OR1F1: variants seen among roughly 807,000 people sequenced by gnomAD.
OR1F1 encodes the protein olfactory receptor 1F1.
For missense variants in OR1F1, 493 were observed against 376.3 expected, an observed-to-expected ratio of 1.31 and a Z score of -2.57; for synonymous variants, 184 against 156.7, an observed-to-expected ratio of 1.17 and a Z score of -1.30.
chr16:3,202,307 T>C (rs1038533155), upstream of OR1F1, among the ~76,000 whole-genome samples: 3 of 152,144 alleles, frequency 2.0e-5, no homozygotes, highest in African/African-American at 4.8e-5. Context: ...AGTAGTGAGA[T>C]AGAGAAATAC....
the OR1F1 span, chr16:3,191,349 C>G: frequency 3.3e-5 from 5 of 152,220 alleles, no homozygotes; most frequent in Admixed American, 3.3e-4. Context: ...TGAGCAAAGT[C>G]TTGCACCAGC....
chr16:3,191,684 T>C, the OR1F1 span, among the ~76,000 whole-genome samples: 1 of 152,016 alleles, frequency 6.6e-6, no homozygotes, highest in Non-Finnish European at 1.5e-5. Context: ...GATTGAATTT[T>C]GGTCTCCGCG....
At chr16:3,203,954 G>A (rs1567206581), upstream of OR1F1, among the ~76,000 whole-genome samples, 2 of 152,126 alleles carry the variant, frequency 1.3e-5, no homozygotes. Flanking sequence ...ATCCTGAACT[G>A]TGGGGAACAC....
chr16:3,201,357 T>C (rs1160135632), upstream of OR1F1, among the ~76,000 whole-genome samples: 1 of 152,244 alleles, frequency 6.6e-6, no homozygotes, highest in Non-Finnish European at 1.5e-5. Context: ...TGCTGGATTG[T>C]ATGGTAATTG....
exon 1 of OR1F1, chr16:3,204,575 T>G (rs767631172): frequency 6.2e-7 from 1 of 1,614,094 alleles, no homozygotes; most frequent in Non-Finnish European, 8.5e-7. Context: ...TTCGTGGACA[T>G]GGACAATTTC....
chr16:3,205,482 ATT>A (rs36031331), downstream of OR1F1, among the ~76,000 whole-genome samples: 59,266 of 143,364 alleles, frequency 0.41, 12,336 homozygotes, highest in East Asian at 0.57. Context: ...GCCTAGCTAA[ATT>A]TTTTTTTTTT....
the OR1F1 span, chr16:3,188,366 C>A: frequency 6.6e-6 from 1 of 152,002 alleles, no homozygotes; most frequent in Non-Finnish European, 1.5e-5. Context: ...AGGAGACGAC[C>A]CCGTGCAGCA....
At chr16:3,188,644 T>C in the OR1F1 span, among the ~76,000 whole-genome samples, 2 of 151,684 alleles carry the variant, frequency 1.3e-5, no homozygotes, top group Admixed American at 1.3e-4. Context: ...TCGGCCCTTG[T>C]CCCCACCCCC....
chr16:3,201,904 A>G (rs1377058331), upstream of OR1F1, among the ~76,000 whole-genome samples: 3 of 152,150 alleles, frequency 2.0e-5, no homozygotes, highest in South Asian at 2.1e-4. Flanking sequence ...CTTATTCTAC[A>G]TGTACTTAAA....
the OR1F1 span, chr16:3,189,696 G>C: frequency 2.6e-4 from 39 of 151,902 alleles, no homozygotes; most frequent in East Asian, 6.2e-3. Context: ...TTCAAATCCC[G>C]GACGAGCCCG....
At chr16:3,193,541 G>T in the OR1F1 span, among the ~76,000 whole-genome samples, 9 of 152,306 alleles carry the variant, frequency 5.9e-5, no homozygotes, top group East Asian at 1.5e-3. Context: ...GTTTTCTCTC[G>T]TTCACTATGG....
the OR1F1 span, among the ~76,000 whole-genome samples, chr16:3,193,634 G>T: frequency 3.3e-5 from 5 of 152,118 alleles, no homozygotes; most frequent in African/African-American, 1.2e-4. Context: ...TCTCACTCCC[G>T]TCGCCCAGGC....
chr16:3,192,588 A>G, the OR1F1 span, among the ~76,000 whole-genome samples: 2 of 152,234 alleles, frequency 1.3e-5, no homozygotes, highest in East Asian at 3.9e-4. Flanking sequence ...CACTAGGTAA[A>G]TGACAGTCAC....
exon 1 of OR1F1, chr16:3,204,367 G>A (rs770312546): frequency 6.2e-7 from 1 of 1,613,948 alleles, no homozygotes. Flanking sequence ...CACTGTCCTG[G>A]GGAACCTGCT....
At chr16:3,206,536 C>A (rs1401896357), downstream of OR1F1, among the ~76,000 whole-genome samples, 2 of 152,072 alleles carry the variant, frequency 1.3e-5, no homozygotes, top group African/African-American at 4.8e-5. Context: ...GGATGTCACC[C>A]CCAGAGGCCT....
rs371271327 is a variant in OR1F1, at chr16:3,204,763, G to A, written c.517G>A (p.Ala173Thr). The A allele has an allele frequency of 5.0e-6, 8 of 1,613,960 alleles. No individual in the cohort carries two copies. The highest frequency in any genetic ancestry group is 1.3e-5 in the African/African-American group (1 of 74,886). Residue 173 changes from alanine (A) to threonine (T), a missense_variant, in exon 1 of 1, where the codon GCC (alanine) becomes ACC (threonine). By Grantham distance (58) the Ala-to-Thr change is moderately conservative. Coordinates refer to ENST00000304646, the Ensembl canonical transcript of OR1F1. ...TCCACTCTCATTCTGTGCAGACAAT[G>A]CCATCACTCACTTCTTCTGCGATGT...
upstream of OR1F1, among the ~76,000 whole-genome samples, chr16:3,200,677 A>G (rs1958126646): frequency 6.6e-6 from 1 of 152,222 alleles, no homozygotes; most frequent in Non-Finnish European, 1.5e-5. Context: ...TAAGATCAGA[A>G]TGCACATGCT....
the OR1F1 span, among the ~76,000 whole-genome samples, chr16:3,189,192 C>G: frequency 6.6e-6 from 1 of 152,244 alleles, no homozygotes; most frequent in Non-Finnish European, 1.5e-5. Context: ...CTCGTGCACT[C>G]CGTCAGGCCT....
the OR1F1 span, among the ~76,000 whole-genome samples, chr16:3,199,198 G>A: frequency 6.7e-6 from 1 of 149,520 alleles, no homozygotes; most frequent in Non-Finnish European, 1.5e-5. Context: ...AGCTCCTCAG[G>A]AGGCTGAGAC....
Sources: allele counts gnomAD v4.1 joint callset (sites outside exome capture counted in the v4.1 genomes callset), GRCh38; gene constraint gnomAD v4.1.1; transcripts MANE v1.5; gene names NCBI Gene and HGNC (gene_info 2026-07-23, HGNC 2026-07-21).